The following FUBP1 variants were observed in gnomAD, a reference collection of about 807,000 sequenced individuals.
FUBP1 encodes the protein far upstream element-binding protein 1.
A neutral mutation model predicts 94.9 loss-of-function variants in FUBP1; 16 were observed. The ratio of observed to expected loss-of-function variants is 0.17; its 90% CI spans 0.11 to 0.26. The LOEUF is 0.26. FUBP1 is among the 10% of genes least tolerant of loss of function. The pLI is 1.00. For missense variants in FUBP1, 583 were observed against 808.6 expected (o/e 0.72, Z 3.38); for synonymous variants, 279 against 254.9 (o/e 1.09, Z -0.90).
Position 77,956,632 on chromosome 1 carries a change from C to T in FUBP1, c.1645G>A (p.Ala549Thr). ...GCAGGGGCTGCTGGTGGTGGCTGTG[C>T]TTGCTGTTGATAATAGTGAGCGTAA... is the stretch of plus-strand genomic sequence containing the variant. ...AYYAHYYQQQAQPPPAAPAGA... is the reference protein window; with the variant it reads ...AYYAHYYQQQTQPPPAAPAGA... Residue 549 changes from alanine (A) to threonine (T), a missense_variant, in exon 17 of 20, where the codon GCA becomes ACA. Ala to Thr is a moderately conservative substitution (Grantham distance 58). Coordinates refer to ENST00000370768, the MANE Select transcript of FUBP1 (RefSeq NM_003902.5). The T allele has an allele frequency of 6.2e-7, 1 of 1,611,712 alleles. No individual in the cohort carries two copies. The highest frequency in any genetic ancestry group is 8.5e-7 in the Non-Finnish European group (1 of 1,177,936).
intron 16 of FUBP1, among the ~76,000 whole-genome samples, chr1:77,958,331 G>C (rs745340645): frequency 2.6e-5 from 4 of 152,166 alleles, no homozygotes; most frequent in Non-Finnish European, 5.9e-5. Flanking sequence ...GCTTAGAGGA[G>C]TTCAAAAACT....
Position 77,964,148 on chromosome 1 carries a change from G to C in FUBP1, c.955C>G (p.Pro319Ala), listed in dbSNP as rs2102392607. Residue 319 changes from proline (P) to alanine (A), a missense_variant, in exon 12 of 20, where the codon CCC becomes GCC. Coordinates refer to ENST00000370768, the MANE Select transcript of FUBP1 (RefSeq NM_003902.5). ...IQFKPDDGTT[P>A]ERIAQITGPP... ...CCTGTTATTTGTGCTATCCTTTCGG[G>C]TGTTGTCCCATCATCTTCAAAACAA... The C allele has an allele frequency of 6.2e-7, 1 of 1,605,634 alleles. No individual in the cohort carries two copies. Among genetic ancestry groups the C allele is most frequent in the Non-Finnish European group, 8.5e-7 (1 of 1,172,288 alleles).
rs376710017 is a variant in FUBP1 at position 77,965,177 on chromosome 1, G to A, written c.528C>T (p.Gly176=). 6.8e-6 allele frequency: 11 copies of A among 1,610,914 alleles called. No individual in the cohort carries two copies. Among genetic ancestry groups the A allele is most frequent in the Non-Finnish European group, 8.5e-6 (10 of 1,177,310 alleles). The change falls in exon 8 of 20, where the codon GGC becomes GGT. Residue 176 remains glycine (G), a synonymous_variant. Transcript: ENST00000370768. ...TTCCCGGTCCATCGCCATGATGGAA[G>A]CCAGGAGCTGGTCTTCCTTTTTCAA... ...QIVEKGRPAP[G]FHHGDGPGNA...
rs1382343673 is a variant in FUBP1 at position 77,946,934 on chromosome 1, T to A, written c.*1832A>T. The A allele has an allele frequency of 4.9e-6, 1 of 204,876 alleles. No individual in the cohort carries two copies. Among genetic ancestry groups the A allele is most frequent in the Admixed American group, 5.9e-5 (1 of 16,902 alleles). 12.7% of individuals were successfully genotyped at this position (204,876 alleles called of 1,614,324 possible). On this transcript the variant is annotated 3_prime_UTR_variant, in exon 20 of 20. Transcript: ENST00000370768. ...TCAAAATATCTACAATGAACTGTAC[T>A]GCTATTTCCATCCTGTAGGTAATCT...
At position 77,967,646 on chromosome 1, in the gene FUBP1, G is replaced by C; in HGVS notation, c.271C>G (p.Pro91Ala). ...CTATACCTTTGCTGCTGATGCATCG[G>C]TGGTAACTGTGTTCCAAAAGCTATC... ...QNDSFGTQLP[P>A]MHQQQSRSVM... Residue 91 changes from proline (P) to alanine (A), a missense_variant, in exon 4 of 20, where the codon CCG becomes GCG. By Grantham distance (27) the Pro-to-Ala change is conservative. Transcript: ENST00000370768. 6.3e-7 allele frequency: 1 copy of C among 1,586,786 alleles called. No homozygotes were observed. Among genetic ancestry groups the C allele is most frequent in the Non-Finnish European group, 8.6e-7 (1 of 1,160,068 alleles).
chr1:77,955,097 T>A (rs981174534), intron 18 of FUBP1, among the ~76,000 whole-genome samples, 158 bp downstream of exon 18: 6 of 152,050 alleles, frequency 3.9e-5, no homozygotes, highest in African/African-American at 1.2e-4. Context: ...GAAAAAAAAA[T>A]TTCCTTGCCA....
chr1:77,956,120 G>A (rs768360255), intron 17 of FUBP1, among the ~76,000 whole-genome samples: 6 of 152,038 alleles, frequency 3.9e-5, no homozygotes, highest in Non-Finnish European at 5.9e-5. Flanking sequence ...ATGATATAAA[G>A]AACTTAATAT....
chr1:77,965,344 G>A, intron 7 of FUBP1, 113 bp from the exon 8 acceptor site: 1 of 541,064 alleles, frequency 1.8e-6, no homozygotes, highest in Non-Finnish European at 3.1e-6. Context: ...TCAGGATTAG[G>A]TGCCTTGATG....
intron 18 of FUBP1, among the ~76,000 whole-genome samples, chr1:77,954,262 A>G (rs1368798262): frequency 6.6e-6 from 1 of 152,216 alleles, no homozygotes; most frequent in Admixed American, 6.5e-5. Context: ...TTCAGAAAAT[A>G]AATTATGTAA....
At chr1:77,977,576 T>G (rs192516792) in intron 1 of FUBP1, among the ~76,000 whole-genome samples, 1 of 152,306 alleles carries the variant, frequency 6.6e-6, no homozygotes, top group Admixed American at 6.5e-5. Context: ...GCGATACCAA[T>G]TAATCCAATG....
chr1:77,965,255 T>C (rs370012476), intron 7 of FUBP1, 24 bp from the exon 8 acceptor site: 3 of 1,522,824 alleles, frequency 2.0e-6, no homozygotes, highest in African/African-American at 1.4e-5. Context: ...AATATTTAAA[T>C]AGTAAGCTGT....
chr1:77,957,998 G>T (rs1400957951), intron 16 of FUBP1, among the ~76,000 whole-genome samples: 1 of 151,986 alleles, frequency 6.6e-6, no homozygotes. Flanking sequence ...CGCCATGTTT[G>T]CCAGGCTGGT....
intron 19 of FUBP1, 82 bp from the exon 20 acceptor site, chr1:77,948,856 T>C (rs1479692496): frequency 6.3e-7 from 1 of 1,583,864 alleles, no homozygotes; most frequent in Non-Finnish European, 8.6e-7. Flanking sequence ...GTGAATCCTT[T>C]AAGAAAGAAA....
intron 18 of FUBP1, among the ~76,000 whole-genome samples, chr1:77,954,637 C>CT (rs1190497838): frequency 2.0e-5 from 3 of 152,146 alleles, no homozygotes; most frequent in Non-Finnish European, 1.5e-5. Flanking sequence ...CCTATAGGTT[C>CT]TTTTTCTGCT....
At chr1:77,957,797 ATC>A (rs1410933835) in intron 16 of FUBP1, among the ~76,000 whole-genome samples, 4 of 151,432 alleles carry the variant, frequency 2.6e-5, no homozygotes, top group African/African-American at 7.3e-5. Context: ...ATGTTTACAT[ATC>A]TCAATAGTGT....
rs758269609 is a variant in FUBP1, at chr1:77,956,597, T to C, written c.1680A>G (p.Pro560=). The change falls in exon 17 of 20, where the codon CCA becomes CCG. Residue 560 remains proline (P), a synonymous_variant. Transcript: ENST00000370768. ...QPPPAAPAGA[P]TTTQTNGQGD... is the part of the protein sequence containing the mutation. The stretch of plus-strand genomic sequence containing the variant: ...CTTGTCCATTAGTTTGAGTTGTAGT[T>C]GGTGCACCTGCAGGGGCTGCTGGTG... 1.2e-6 allele frequency: 2 copies of C among 1,612,964 alleles called. No homozygotes were observed. The highest frequency in any genetic ancestry group is 1.7e-6 in the Non-Finnish European group (2 of 1,178,944).
intron 13 of FUBP1, among the ~76,000 whole-genome samples, chr1:77,963,162 ATAAACT>A (rs1468476955): frequency 3.9e-5 from 6 of 152,238 alleles, no homozygotes; most frequent in African/African-American, 7.2e-5. Context: ...ATGTTTAAAC[ATAAACT>A]TAATGTGATT....
intron 12 of FUBP1, among the ~76,000 whole-genome samples, 171 bp from the exon 13 acceptor site, chr1:77,963,886 A>G (rs904163795): frequency 6.6e-6 from 1 of 152,252 alleles, no homozygotes; most frequent in Non-Finnish European, 1.5e-5. Context: ...TAAATAAGGT[A>G]GCACTTAAGG....
At chr1:77,959,335 G>T (rs552564197) in intron 16 of FUBP1, among the ~76,000 whole-genome samples, 1 of 151,986 alleles carries the variant, frequency 6.6e-6, no homozygotes, top group South Asian at 2.1e-4. Flanking sequence ...AATATAATAG[G>T]ATAAAAATAA....
Sources: gnomAD v4.1 joint callset for allele counts (sites outside exome capture counted in the v4.1 genomes callset) on GRCh38, gnomAD v4.1.1 for gene constraint, MANE v1.5 for transcripts, NCBI Gene and HGNC (gene_info 2026-07-23, HGNC 2026-07-21) for gene names.